Variants in CNTNAP5 observed in about 807,000 individuals in gnomAD.
CNTNAP5 encodes the protein contactin associated protein family member 5.
CNTNAP5 carries 72 observed loss-of-function variants against 150.2 expected under a neutral mutation model. The ratio of observed to expected loss-of-function variants is 0.48; its 90% CI spans 0.40 to 0.58. The LOEUF (loss-of-function observed/expected upper bound fraction) is 0.58, where lower values mean the gene tolerates loss of function less well. Among genes scored for constraint, CNTNAP5 ranks in the 20% least tolerant of loss-of-function variants. The probability of loss-of-function intolerance (pLI) is 0.00; values close to 1 mark genes in which losing one functional copy is unlikely to be tolerated. For missense variants in CNTNAP5, 1,636 were observed against 1,626.2 expected, an observed-to-expected ratio of 1.01 and a Z score of -0.10; for synonymous variants, 672 against 619.8, an observed-to-expected ratio of 1.08 and a Z score of -1.25.
At position 124,434,468 on chromosome 2, in the gene CNTNAP5, C is replaced by T. The variant is rs1015252057; in HGVS notation, c.530-16C>T. The T allele has an allele frequency of 1.7e-4, 276 of 1,606,714 alleles. No individual in the cohort carries two copies. The highest frequency in any genetic ancestry group is 1.8e-4 in the Non-Finnish European group (206 of 1,173,362). Reference sequence around the variant, plus strand: ...TATGCACTAATTTTTCTTTCCCGCTCCTTCTTTGTTCCCAGAATCAGATGT... The same window carrying T: ...TATGCACTAATTTTTCTTTCCCGCTTCTTCTTTGTTCCCAGAATCAGATGT... On this transcript the variant is annotated splice_polypyrimidine_tract_variant and intron_variant, in intron 4 of 23. Coordinates refer to ENST00000682447, the MANE Select transcript of CNTNAP5 (RefSeq NM_001367498.1).
rs147083589 is a variant in CNTNAP5, at chr2:124,881,113, C to A, written c.3436+11351C>A. ...ATTACAGAGGACATCCAGTGCTCTGCAAAGGCATTCAGAATCTATTGTGTA... is the reference window on the plus strand; with the variant it reads ...ATTACAGAGGACATCCAGTGCTCTGAAAAGGCATTCAGAATCTATTGTGTA... On this transcript the variant is annotated intron_variant, in intron 21 of 23. Coordinates refer to ENST00000682447, the MANE Select transcript of CNTNAP5 (RefSeq NM_001367498.1). Among the ~76,000 whole-genome samples the A allele has an allele frequency of 2.0e-5, 3 of 152,194 alleles. No homozygotes were observed. In the East Asian group the frequency reaches 5.8e-4, roughly 30 times the overall value.
At chr2:124,068,404 T>G (rs1371906433) in intron 1 of CNTNAP5, among the ~76,000 whole-genome samples, 1 of 152,168 alleles carries the variant, frequency 6.6e-6, no homozygotes, top group Non-Finnish European at 1.5e-5. Flanking sequence ...AAGGAGCATT[T>G]GGACCAGGCC....
chr2:124,744,507 A>G (rs1440638051), intron 13 of CNTNAP5, among the ~76,000 whole-genome samples: 1 of 152,148 alleles, frequency 6.6e-6, no homozygotes, highest in African/African-American at 2.4e-5. Flanking sequence ...ATTAATTACC[A>G]TGTAACGAGC....
chr2:124,099,520 G>T (rs1301722726), intron 1 of CNTNAP5, among the ~76,000 whole-genome samples: 2 of 152,140 alleles, frequency 1.3e-5, no homozygotes, highest in Non-Finnish European at 2.9e-5. Flanking sequence ...CCTGGGTATG[G>T]CACCTTGAAT....
At chr2:124,311,881 G>A (rs531154981) in intron 3 of CNTNAP5, among the ~76,000 whole-genome samples, 1 of 152,282 alleles carries the variant, frequency 6.6e-6, no homozygotes, top group East Asian at 1.9e-4. Flanking sequence ...AAAAAAATTA[G>A]AGCAATAGCA....
At chr2:124,217,737 C>G (rs1433488677) in intron 1 of CNTNAP5, among the ~76,000 whole-genome samples, 1 of 152,106 alleles carries the variant, frequency 6.6e-6, no homozygotes, top group Non-Finnish European at 1.5e-5. Context: ...TATTTGCTCT[C>G]AAATGTAGCA....
At chr2:124,222,511 G>A (rs765286290) in intron 2 of CNTNAP5, among the ~76,000 whole-genome samples, 15 of 152,104 alleles carry the variant, frequency 9.9e-5, no homozygotes, top group Non-Finnish European at 1.8e-4. Flanking sequence ...GGACTTTTAG[G>A]TATCTGATAG....
At chr2:124,911,014 C>T (rs569786404) in intron 22 of CNTNAP5, among the ~76,000 whole-genome samples, 2 of 152,038 alleles carry the variant, frequency 1.3e-5, no homozygotes, top group East Asian at 2.0e-4. Context: ...CAATTTCTCT[C>T]TCATCAGTGA....
intron 3 of CNTNAP5, among the ~76,000 whole-genome samples, chr2:124,331,554 A>G (rs1689349259): frequency 6.6e-6 from 1 of 152,062 alleles, no homozygotes; most frequent in South Asian, 2.1e-4. Context: ...GTTTGAGGTC[A>G]AAAAGACTTC....
chr2:124,674,542 T>C (rs567843931), intron 13 of CNTNAP5, among the ~76,000 whole-genome samples: 70 of 144,546 alleles, frequency 4.8e-4, no homozygotes, highest in African/African-American at 1.8e-3. Context: ...TTTCTTTCTT[T>C]CTTTCTTTCT....
At chr2:124,194,523 C>T (rs1685538398) in intron 1 of CNTNAP5, among the ~76,000 whole-genome samples, 3 of 150,404 alleles carry the variant, frequency 2.0e-5, no homozygotes, top group African/African-American at 7.3e-5. Context: ...TGTGTGCTTC[C>T]TTTAGAGGCC....
At chr2:124,329,429 G>A (rs1029139386) in intron 3 of CNTNAP5, among the ~76,000 whole-genome samples, 1 of 152,110 alleles carries the variant, frequency 6.6e-6, no homozygotes, top group Admixed American at 6.5e-5. Context: ...AACAGGTGAA[G>A]GTGGGGGTTG....
intron 3 of CNTNAP5, among the ~76,000 whole-genome samples, chr2:124,353,824 T>C (rs1408506028): frequency 6.6e-6 from 1 of 152,214 alleles, no homozygotes; most frequent in Admixed American, 6.5e-5. Flanking sequence ...ATTGTAGTTT[T>C]TCATGGGCTC....
chr2:124,396,946 A>G (rs1691264366), intron 3 of CNTNAP5, among the ~76,000 whole-genome samples: 1 of 152,226 alleles, frequency 6.6e-6, no homozygotes, highest in Non-Finnish European at 1.5e-5. Flanking sequence ...GGCCAGTCTT[A>G]GAGTCAAATG....
At chr2:124,599,835 G>T (rs1203096605) in intron 11 of CNTNAP5, among the ~76,000 whole-genome samples, 2 of 151,508 alleles carry the variant, frequency 1.3e-5, no homozygotes, top group Non-Finnish European at 2.9e-5. Context: ...CTCATGGGTT[G>T]GGGGGAGCTC....
At chr2:124,867,320 G>A (rs180837515) in intron 20 of CNTNAP5, among the ~76,000 whole-genome samples, 9 of 152,202 alleles carry the variant, frequency 5.9e-5, no homozygotes, top group East Asian at 1.9e-4. Flanking sequence ...TTTCTTGCCC[G>A]AATTTTTGGA....
intron 17 of CNTNAP5, among the ~76,000 whole-genome samples, chr2:124,777,674 T>C (rs528608740): frequency 6.6e-6 from 1 of 152,232 alleles, no homozygotes; most frequent in South Asian, 2.1e-4. Flanking sequence ...GACACACTTT[T>C]GAAAGGTTTG....
In CNTNAP5 at chr2:124,431,495, A is replaced by G. The variant is rs80238368; in HGVS notation, c.530-2989A>G. Among the ~76,000 whole-genome samples, 866 of 137,894 alleles carry G rather than the reference A, an allele frequency of 6.3e-3. 15 individuals carry two copies. Among genetic ancestry groups the G allele is most frequent in the South Asian group, 0.056 (243 of 4,364 alleles). The allele number at this position is 137,894 out of a possible 152,430, so 90.5% of individuals were successfully genotyped here. A position where few individuals can be genotyped will look rare whatever the true frequency, so the allele number is the denominator to read the frequency against. ...TTTCTCCATAACCATTGCTTGGACAAAAAAGTGTCAAAGATATATATATAT... is the reference window on the plus strand; with the variant it reads ...TTTCTCCATAACCATTGCTTGGACAGAAAAGTGTCAAAGATATATATATAT... On this transcript the variant is annotated intron_variant, in intron 4 of 23. Coordinates refer to ENST00000682447, the MANE Select transcript of CNTNAP5 (RefSeq NM_001367498.1).
intron 7 of CNTNAP5, among the ~76,000 whole-genome samples, chr2:124,483,026 T>C (rs996489807): frequency 6.6e-6 from 1 of 152,216 alleles, no homozygotes; most frequent in Non-Finnish European, 1.5e-5. Flanking sequence ...AATTCACTCC[T>C]TGCACATCCT....
Sources: gnomAD v4.1 joint callset for allele counts (sites outside exome capture counted in the v4.1 genomes callset) on GRCh38, gnomAD v4.1.1 for gene constraint, MANE v1.5 for transcripts, NCBI Gene and HGNC (gene_info 2026-07-23, HGNC 2026-07-21) for gene names.